SGCD: variants seen among roughly 807,000 people sequenced by gnomAD.
The protein encoded by SGCD is delta-sarcoglycan.
A neutral mutation model predicts 36.6 loss-of-function variants in SGCD; 18 were observed. The ratio of observed to expected loss-of-function variants is 0.49; its 90% CI spans 0.34 to 0.73. The LOEUF is 0.73. SGCD is among the 30% of genes least tolerant of loss of function. The pLI, the probability that SGCD is intolerant of heterozygous loss-of-function variation, is 0.01. For missense variants in SGCD, 387 were observed against 346.7 expected (o/e 1.12, Z -0.92); for synonymous variants, 133 against 130.6 (o/e 1.02, Z -0.12).
At chr5:156,450,092 A>G (rs1012011764) in intron 3 of SGCD, among the ~76,000 whole-genome samples, 4 of 152,116 alleles carry the variant, frequency 2.6e-5, no homozygotes, top group African/African-American at 9.7e-5. Context: ...AAACCCTGGC[A>G]GCTGGTCAGA....
At chr5:156,609,251 A>G (rs906964511) in intron 6 of SGCD, among the ~76,000 whole-genome samples, 58 of 151,580 alleles carry the variant, frequency 3.8e-4, no homozygotes, top group African/African-American at 1.3e-3. Flanking sequence ...TGGTGACAAA[A>G]TCTCTCAGCA....
At chr5:156,039,905 G>T (rs919657183) in intron 1 of SGCD, among the ~76,000 whole-genome samples, 2 of 152,136 alleles carry the variant, frequency 1.3e-5, no homozygotes, top group African/African-American at 2.4e-5. Flanking sequence ...AGATTGATGT[G>T]CAGTCTCTTC....
intron 1 of SGCD, among the ~76,000 whole-genome samples, chr5:156,112,419 A>G (rs1761808476): frequency 6.6e-6 from 1 of 151,906 alleles, no homozygotes; most frequent in African/African-American, 2.4e-5. Context: ...GACTCTGTGG[A>G]TTCTTAAGAC....
chr5:155,934,433 A>T (rs1164648735), intron 1 of SGCD, among the ~76,000 whole-genome samples: 1 of 152,202 alleles, frequency 6.6e-6, no homozygotes, highest in Non-Finnish European at 1.5e-5. Context: ...ATCAATACTC[A>T]AGCACATTTA....
rs566615766 is a variant in SGCD, at chr5:156,068,850, G to C, written c.-281-49028G>C. 2.6e-5 allele frequency among the ~76,000 whole-genome samples: 4 copies of C among 152,072 alleles called. No individual in the cohort carries two copies. The South Asian group carries it at 6.2e-4, about 24-fold the overall frequency. On this transcript the variant is annotated intron_variant, in intron 1 of 9. Coordinates refer to the SGCD transcript ENST00000517913. ...TGAGATGGTATCTCATTGTGGTTTT[G>C]ATTTGCATTTCTCTGATAGCCAGTG... is the stretch of plus-strand genomic sequence containing the variant.
chr5:156,585,108 CAG>C (rs1185792942), intron 4 of SGCD, among the ~76,000 whole-genome samples: 1 of 152,128 alleles, frequency 6.6e-6, no homozygotes, highest in Non-Finnish European at 1.5e-5. Flanking sequence ...GGGCACAGTG[CAG>C]AGAGTAGCTG....
intron 3 of SGCD, among the ~76,000 whole-genome samples, chr5:156,470,763 A>G (rs1754926581): frequency 6.6e-6 from 1 of 152,188 alleles, no homozygotes; most frequent in African/African-American, 2.4e-5. Context: ...ATAAGGACTA[A>G]TTTTACTCAA....
chr5:155,878,588 A>G (rs1755813792), intron 1 of SGCD, among the ~76,000 whole-genome samples: 1 of 152,108 alleles, frequency 6.6e-6, no homozygotes, highest in Admixed American at 6.6e-5. Context: ...AAGAATACTC[A>G]AGACTTTTTG....
At chr5:156,320,673 G>A (rs1214515570) in intron 3 of SGCD, among the ~76,000 whole-genome samples, 1 of 152,184 alleles carries the variant, frequency 6.6e-6, no homozygotes, top group Non-Finnish European at 1.5e-5. Flanking sequence ...GACTTAGTTT[G>A]AGAATCCCTC....
At chr5:156,703,379 T>C (rs1754604286) in intron 7 of SGCD, among the ~76,000 whole-genome samples, 1 of 150,336 alleles carries the variant, frequency 6.7e-6, no homozygotes, top group Non-Finnish European at 1.5e-5. Context: ...CTTTTATTTA[T>C]TTCTTTTTTT....
intron 3 of SGCD, among the ~76,000 whole-genome samples, chr5:156,433,826 T>C (rs1203198732): frequency 6.6e-6 from 1 of 152,212 alleles, no homozygotes; most frequent in Non-Finnish European, 1.5e-5. Flanking sequence ...TTTCTTTATG[T>C]AAGCCCCTTT....
chr5:155,854,607 A>G, the SGCD span, among the ~76,000 whole-genome samples: 1 of 152,210 alleles, frequency 6.6e-6, no homozygotes. Context: ...GAACAAAACA[A>G]TAAATTATTT....
At chr5:156,061,919 CTTTTTTTTTTTT>C (rs757769130) in intron 1 of SGCD, among the ~76,000 whole-genome samples, 1 of 71,760 alleles carries the variant, frequency 1.4e-5, no homozygotes, top group South Asian at 4.9e-4. Flanking sequence ...GGAGTTTTCA[CTTTTTTTTTTTT>C]TTTTTTTTTT....
At chr5:155,867,682 C>T (rs1755549438), upstream of SGCD, among the ~76,000 whole-genome samples, 1 of 152,120 alleles carries the variant, frequency 6.6e-6, no homozygotes, top group South Asian at 2.1e-4. Flanking sequence ...ATAATACTAG[C>T]AGCAGCAGCA....
chr5:156,694,056 C>G (rs140252625), intron 7 of SGCD, among the ~76,000 whole-genome samples: 1 of 152,276 alleles, frequency 6.6e-6, no homozygotes, highest in East Asian at 1.9e-4. Context: ...TGCCTGGGCC[C>G]TGGAGACATC....
intron 6 of SGCD, among the ~76,000 whole-genome samples, chr5:156,604,148 C>T (rs563812299): frequency 2.6e-5 from 4 of 151,806 alleles, no homozygotes; most frequent in South Asian, 4.1e-4. Context: ...TATACAATGA[C>T]CTTCTCCTTT....
At chr5:156,034,464 T>G (rs1759439644) in intron 1 of SGCD, among the ~76,000 whole-genome samples, 1 of 152,208 alleles carries the variant, frequency 6.6e-6, no homozygotes, top group South Asian at 2.1e-4. Flanking sequence ...CATATGAATG[T>G]GGCCATTTAG....
the SGCD span, among the ~76,000 whole-genome samples, chr5:155,779,430 G>A: frequency 1.3e-5 from 2 of 151,688 alleles, no homozygotes; most frequent in African/African-American, 4.9e-5. Context: ...GGAGCGATAC[G>A]CTGTCCAAAA....
intron 3 of SGCD, among the ~76,000 whole-genome samples, chr5:156,398,046 T>C (rs1771957897): frequency 6.6e-6 from 1 of 152,202 alleles, no homozygotes; most frequent in African/African-American, 2.4e-5. Context: ...GCTGTCCCTA[T>C]GGGCTGGATA....
Sources: gnomAD v4.1 joint callset for allele counts (sites outside exome capture counted in the v4.1 genomes callset) on GRCh38, gnomAD v4.1.1 for gene constraint, MANE v1.5 for transcripts, NCBI Gene and HGNC (gene_info 2026-07-23, HGNC 2026-07-21) for gene names.